Variants in CNTNAP3 observed in about 807,000 individuals in gnomAD.
CNTNAP3 encodes contactin-associated protein-like 3.
Under a neutral mutation model 92.1 loss-of-function variants are expected in CNTNAP3, and 36 were observed. The ratio of observed to expected loss-of-function variants is 0.39; its 90% CI spans 0.30 to 0.52. The LOEUF (loss-of-function observed/expected upper bound fraction) is 0.52, where lower values mean the gene tolerates loss of function less well. Among genes scored for constraint, CNTNAP3 ranks in the 20% least tolerant of loss-of-function variants. The pLI, the probability that CNTNAP3 is intolerant of heterozygous loss-of-function variation, is 0.76. For missense variants in CNTNAP3, 534 were observed against 1,069.6 expected (o/e 0.50, Z 6.98); for synonymous variants, 232 against 422.3 (o/e 0.55, Z 5.53).
At position 39,067,554 on chromosome 9, in the gene CNTNAP3, C is replaced by T. The variant is rs1335731278; in HGVS notation, c.*6336G>A. The stretch of plus-strand genomic sequence containing the variant: ...CTGGGACTTCAGGCGCCCAACACCA[C>T]GCCCGGCTAATTTTTGTATGTTTAG... On this transcript the variant is annotated 3_prime_UTR_variant, in exon 24 of 24. Coordinates refer to ENST00000297668, the MANE Select transcript of CNTNAP3 (RefSeq NM_033655.5). 5.1e-3 allele frequency among the ~76,000 whole-genome samples: 754 copies of T among 149,160 alleles called. No homozygotes were observed. The highest frequency in any genetic ancestry group is 0.018 in the African/African-American group (710 of 38,552).
chr9:39,113,070 T>C (rs2315706), intron 14 of CNTNAP3, among the ~76,000 whole-genome samples: 3 of 152,086 alleles, frequency 2.0e-5, no homozygotes, highest in Admixed American at 2.0e-4. Context: ...TTTTTTTTGT[T>C]ATGGGGGGGC....
At chr9:39,107,368 G>A (rs550617570) in intron 15 of CNTNAP3, among the ~76,000 whole-genome samples, 7 of 151,180 alleles carry the variant, frequency 4.6e-5, no homozygotes, top group Admixed American at 2.0e-4. Context: ...GAGGGAGGAA[G>A]GGAGGGAGAG....
chr9:39,138,822 C>T (rs1483141657), intron 12 of CNTNAP3, among the ~76,000 whole-genome samples: 2 of 152,156 alleles, frequency 1.3e-5, no homozygotes, highest in Non-Finnish European at 2.9e-5. Context: ...AATTGTCATT[C>T]TGTATATAAG....
At chr9:39,122,150 C>T (rs1025668852) in intron 13 of CNTNAP3, among the ~76,000 whole-genome samples, 10 of 151,980 alleles carry the variant, frequency 6.6e-5, no homozygotes, top group African/African-American at 1.7e-4. Flanking sequence ...GTCAGGAGAT[C>T]GAGACCATCC....
At chr9:39,092,373 T>C (rs1334026890) in intron 18 of CNTNAP3, among the ~76,000 whole-genome samples, 1 of 138,210 alleles carries the variant, frequency 7.2e-6, no homozygotes, top group Non-Finnish European at 1.6e-5. Flanking sequence ...TTTTTGAATA[T>C]TGATGTTTAC....
intron 16 of CNTNAP3, 52 bp from the exon 17 acceptor site, chr9:39,102,767 T>C (rs1758525): frequency 1.5e-6 from 1 of 654,926 alleles, no homozygotes; most frequent in Admixed American, 2.8e-5. Flanking sequence ...GAAAATTGAG[T>C]CTTGTGCAGA....
chr9:39,089,598 A>G (rs1826144397), intron 18 of CNTNAP3, among the ~76,000 whole-genome samples: 1 of 152,142 alleles, frequency 6.6e-6, no homozygotes, highest in Non-Finnish European at 1.5e-5. Flanking sequence ...AAATTGTTCA[A>G]TCTTATGATA....
In CNTNAP3 at chr9:39,120,825, AAAG is replaced by A. The variant is rs1378752788; in HGVS notation, c.2081-2569_2081-2567del. Among the ~76,000 whole-genome samples, 7 of 152,332 alleles carry A rather than the reference AAAG, an allele frequency of 4.6e-5. No homozygotes were observed. In the South Asian group the frequency reaches 1.4e-3, roughly 32 times the overall value. ...TCTTGGAACATCAGGAAAAAAATGA[AAAG>A]AGAAGAAATATGGATAAATGTAATA... On this transcript the variant is annotated intron_variant, in intron 13 of 23. Transcript: ENST00000297668.
chr9:39,147,636 G>A (rs1821734406), intron 10 of CNTNAP3, among the ~76,000 whole-genome samples: 1 of 152,156 alleles, frequency 6.6e-6, no homozygotes, highest in Non-Finnish European at 1.5e-5. Context: ...TTTAAGTGTG[G>A]CTCACACATA....
rs1231223888 is a variant in CNTNAP3 at position 39,069,342 on chromosome 9, G to A, written c.*4548C>T. On this transcript the variant is annotated 3_prime_UTR_variant, in exon 24 of 24. Transcript: ENST00000297668. ...CTTAAGGAGTTAAAATGTGATATGA[G>A]TCATACAAAGTGCTCATGCAGTCAC... Among the ~76,000 whole-genome samples the A allele has an allele frequency of 1.3e-5, 2 of 152,274 alleles. No homozygotes were observed. The highest frequency in any genetic ancestry group is 1.5e-5 in the Non-Finnish European group (1 of 68,042).
chr9:39,065,776 T>G lies in CNTNAP3; in HGVS notation c.*8114A>C, dbSNP rs1016698400. On this transcript the variant is annotated 3_prime_UTR_variant, in exon 24 of 24. Coordinates refer to ENST00000297668, the MANE Select transcript of CNTNAP3 (RefSeq NM_033655.5). ...CACTGGCCTAGCACTTTTCGTCATT[T>G]TTTCTTATATTCATTATTTTCATTT... 7.9e-4 allele frequency among the ~76,000 whole-genome samples: 120 copies of G among 152,346 alleles called. No individual in the cohort carries two copies. Among genetic ancestry groups the G allele is most frequent in the African/African-American group, 2.8e-3 (115 of 41,592 alleles).
chr9:39,069,836 G>A lies in CNTNAP3; in HGVS notation c.*4054C>T, dbSNP rs879652330. Among the ~76,000 whole-genome samples the A allele has an allele frequency of 1.8e-3, 274 of 150,380 alleles. No individual in the cohort carries two copies. The South Asian group carries it at 0.02, about 11-fold the overall frequency. On this transcript the variant is annotated 3_prime_UTR_variant, in exon 24 of 24. Coordinates refer to ENST00000297668, the MANE Select transcript of CNTNAP3 (RefSeq NM_033655.5). ...GAGTGATGTGAAGGAAGAGAAAAGCGTTGGACTCTATGATATTTAATGTCT... is the reference window on the plus strand; with the variant it reads ...GAGTGATGTGAAGGAAGAGAAAAGCATTGGACTCTATGATATTTAATGTCT...
chr9:39,100,282 C>G, intron 17 of CNTNAP3, 132 bp from the exon 18 acceptor site: 1 of 1,564,476 alleles, frequency 6.4e-7, no homozygotes, highest in Non-Finnish European at 8.7e-7. Context: ...TGAACATACA[C>G]AATTTTGAAA....
At chr9:39,139,899 A>G (rs1024627950) in intron 12 of CNTNAP3, 5 of 152,302 alleles carry the variant, frequency 3.3e-5, no homozygotes, top group African/African-American at 9.7e-5. Context: ...CGCGGGTGCC[A>G]CCATGCCCAG....
At chr9:39,108,097 T>C (rs1223227038) in intron 15 of CNTNAP3, among the ~76,000 whole-genome samples, 2 of 152,126 alleles carry the variant, frequency 1.3e-5, no homozygotes, top group East Asian at 1.9e-4. Flanking sequence ...CAGCACAGCA[T>C]GCAGCATGAG....
chr9:39,113,083 T>A (rs1208352318), intron 14 of CNTNAP3, among the ~76,000 whole-genome samples: 1 of 152,118 alleles, frequency 6.6e-6, no homozygotes, highest in East Asian at 1.9e-4. Context: ...GGGGGGGCTG[T>A]CCTGTGCACT....
chr9:39,276,723 C>T (rs1351581521), intron 1 of CNTNAP3, among the ~76,000 whole-genome samples: 1 of 25,310 alleles, frequency 4.0e-5, no homozygotes, highest in African/African-American at 7.9e-5. Flanking sequence ...TTGAAACCAA[C>T]GAGAACAAAC....
intron 21 of CNTNAP3, among the ~76,000 whole-genome samples, chr9:39,081,413 G>C (rs945404450): frequency 2.6e-5 from 4 of 151,024 alleles, no homozygotes; most frequent in Admixed American, 6.6e-5. Context: ...TCTCAACTTC[G>C]GGGTCCTGCA....
chr9:39,127,612 A>G (rs2315711), intron 13 of CNTNAP3, among the ~76,000 whole-genome samples: 2 of 152,126 alleles, frequency 1.3e-5, no homozygotes, highest in Non-Finnish European at 2.9e-5. Context: ...GACATCAAAC[A>G]AATAATAAGA....
Sources: allele counts gnomAD v4.1 joint callset (sites outside exome capture counted in the v4.1 genomes callset), GRCh38; gene constraint gnomAD v4.1.1; transcripts MANE v1.5; gene names NCBI Gene and HGNC (gene_info 2026-07-23, HGNC 2026-07-21).